Variants in ZNF317 observed in about 807,000 individuals in gnomAD.
The protein encoded by ZNF317 is KRAB-containing zinc finger protein 317.
ZNF317 carries 17 observed loss-of-function variants against 23.4 expected under a neutral mutation model. The ratio of observed to expected loss-of-function variants is 0.73; its 90% CI spans 0.50 to 1.09. ZNF317 has a LOEUF of 1.09. Among genes scored for constraint, ZNF317 ranks in the 50% least tolerant of loss-of-function variants. The probability of loss-of-function intolerance (pLI) is 0.00; values close to 1 mark genes in which losing one functional copy is unlikely to be tolerated. For missense variants in ZNF317, 679 were observed against 796.7 expected, an observed-to-expected ratio of 0.85 and a Z score of 1.78; for synonymous variants, 317 against 314.9, an observed-to-expected ratio of 1.01 and a Z score of -0.07.
At position 9,161,577 on chromosome 19, in the gene ZNF317, G is replaced by A. The variant is rs918929723; in HGVS notation, c.*144G>A. 1 of 1,276,366 alleles carries A rather than the reference G, an allele frequency of 7.8e-7. No individual in the cohort carries two copies. The highest frequency in any genetic ancestry group is 1.5e-5 in the African/African-American group (1 of 67,354). The allele number at this position is 1,276,366 out of a possible 1,614,324, so 79.1% of individuals were successfully genotyped here. ...GAAGTCCAGTTCCTGTAAAAACTGG[G>A]AAGACGAGGCGTTCTCATCCCATAG... On this transcript the variant is annotated 3_prime_UTR_variant, in exon 7 of 7. Coordinates refer to ENST00000247956, the MANE Select transcript of ZNF317 (RefSeq NM_020933.5). This position sits in a 1 kb window ranked among gnomAD's most constrained non-coding sequence, Gnocchi z 4.0.
rs772548644 is a variant in ZNF317, at chr19:9,161,317, T to C, written c.1672T>C (p.Tyr558His). The C allele has an allele frequency of 6.2e-7, 1 of 1,614,046 alleles. No homozygotes were observed. Among genetic ancestry groups the C allele is most frequent in the Non-Finnish European group, 8.5e-7 (1 of 1,179,934 alleles). The change falls in exon 7 of 7, where the codon TAC (tyrosine) becomes CAC (histidine). Residue 558 changes from tyrosine to histidine, a missense_variant. Physicochemically the swap from Tyr to His is moderately conservative, Grantham distance 83. Transcript: ENST00000247956. The surrounding 1 kb of genome is among the most constrained non-coding windows in gnomAD (Gnocchi z 4.0). ...GCGGATCCACACCGGGGAGAAGCCC[T>C]ACGAATGCCTTGTCTGCGGGAAAGC... is the stretch of plus-strand genomic sequence containing the variant. The part of the protein sequence containing the change: ...HRRIHTGEKP[Y>H]ECLVCGKAFS...
chr19:9,154,009 T>G (rs2050760141), intron 1 of ZNF317, among the ~76,000 whole-genome samples: 1 of 152,066 alleles, frequency 6.6e-6, no homozygotes, highest in Non-Finnish European at 1.5e-5. Flanking sequence ...CATAGGAAAT[T>G]GTCTAGCAGG....
chr19:9,156,376 C>A (rs945259897), intron 2 of ZNF317, among the ~76,000 whole-genome samples: 1 of 152,166 alleles, frequency 6.6e-6, no homozygotes, highest in African/African-American at 2.4e-5. Flanking sequence ...TAGGTTGGAA[C>A]TATGTCACTT....
At chr19:9,147,490 G>A (rs565428034) in intron 1 of ZNF317, among the ~76,000 whole-genome samples, 15 of 152,036 alleles carry the variant, frequency 9.9e-5, no homozygotes, top group African/African-American at 2.2e-4. Flanking sequence ...ACAGGCGCCC[G>A]CCACCGCGCC....
At position 9,161,340 on chromosome 19, in the gene ZNF317, A is replaced by C; in HGVS notation, c.1695A>C (p.Lys565Asn). 1 of 1,614,208 alleles carries C rather than the reference A, an allele frequency of 6.2e-7. No homozygotes were observed. Reference sequence around the variant, plus strand: ...CCTACGAATGCCTTGTCTGCGGGAAAGCCTTCAGCGACCACTCATCCCTCA... The same window carrying C: ...CCTACGAATGCCTTGTCTGCGGGAACGCCTTCAGCGACCACTCATCCCTCA... Reference protein sequence around the residue: ...EKPYECLVCGKAFSDHSSLRS... With the variant: ...EKPYECLVCGNAFSDHSSLRS... The change falls in exon 7 of 7, where the codon AAA becomes AAC. Residue 565 changes from lysine (K) to asparagine (N), a missense_variant. Transcript: ENST00000247956. The surrounding 1 kb of genome is among the most constrained non-coding windows in gnomAD (Gnocchi z 4.0).
intron 1 of ZNF317, among the ~76,000 whole-genome samples, chr19:9,141,779 C>T (rs1292695074): frequency 6.6e-6 from 1 of 152,036 alleles, no homozygotes; most frequent in Non-Finnish European, 1.5e-5. Context: ...TCTTTAATGC[C>T]TTTCAATAAA....
chr19:9,147,814 T>C (rs1302667265), intron 1 of ZNF317, among the ~76,000 whole-genome samples: 1 of 152,144 alleles, frequency 6.6e-6, no homozygotes, highest in East Asian at 1.9e-4. Context: ...TCTGATACAG[T>C]TTGGATGTGT....
chr19:9,146,706 A>G (rs765137397), intron 1 of ZNF317, among the ~76,000 whole-genome samples: 7 of 152,152 alleles, frequency 4.6e-5, no homozygotes, highest in Non-Finnish European at 8.8e-5. Context: ...CTGAGATTAC[A>G]GGCATGAGCC....
chr19:9,152,194 C>G (rs1217001124), intron 1 of ZNF317, among the ~76,000 whole-genome samples: 1 of 151,892 alleles, frequency 6.6e-6, no homozygotes, highest in Non-Finnish European at 1.5e-5. Context: ...GCGTGAGCCA[C>G]CGTGCCCAGC....
chr19:9,160,898 T>C lies in ZNF317; in HGVS notation c.1253T>C (p.Val418Ala). The stretch of plus-strand genomic sequence containing the variant: ...AGGATTCACATCGTCAAGAAACCCG[T>C]GGAATGTCGGCAGTGCGGGAAGACC... ...HMRIHIVKKP[V>A]ECRQCGKTFR... Residue 418 changes from valine to alanine, a missense_variant, in exon 7 of 7, where the codon GTG (valine) becomes GCG (alanine). Transcript: ENST00000247956. The surrounding 1 kb of genome is among the most constrained non-coding windows in gnomAD (Gnocchi z 6.8). The C allele has an allele frequency of 6.2e-7, 1 of 1,613,762 alleles. No individual in the cohort carries two copies. Among genetic ancestry groups the C allele is most frequent in the Non-Finnish European group, 8.5e-7 (1 of 1,179,912 alleles).
rs755742142 is a variant in ZNF317 at position 9,160,189 on chromosome 19, A to T, written c.544A>T (p.Thr182Ser). 62 of 1,613,850 alleles carry T rather than the reference A, an allele frequency of 3.8e-5. 1 individual carries two copies. In the East Asian group the frequency reaches 1.3e-3, roughly 35 times the overall value. The change falls in exon 7 of 7, where the codon ACT becomes TCT. Residue 182 changes from threonine to serine, a missense_variant. By Grantham distance (58) the Thr-to-Ser change is moderately conservative. Transcript: ENST00000247956. This position sits in a 1 kb window ranked among gnomAD's most constrained non-coding sequence, Gnocchi z 6.8. The stretch of plus-strand genomic sequence containing the variant: ...AGTCTTTGGCATGGACCCTCATCTC[A>T]CTCAGCCAATGGGAAGGCACGCTGG... The part of the protein sequence containing the change: ...FEVFGMDPHL[T>S]QPMGRHAGKR...
chr19:9,147,448 C>T (rs1252547296), intron 1 of ZNF317, among the ~76,000 whole-genome samples: 1 of 149,164 alleles, frequency 6.7e-6, no homozygotes, highest in Admixed American at 6.8e-5. Context: ...TCACACCATT[C>T]TCCTGCCTCA....
At chr19:9,158,987 T>C (rs1433221069) in intron 6 of ZNF317, 79 bp downstream of exon 6, 6 of 973,632 alleles carry the variant, frequency 6.2e-6, no homozygotes, top group Non-Finnish European at 9.9e-6. Context: ...GAAAAGCAGT[T>C]CAACACCAGG....
chr19:9,160,296 C>A lies in ZNF317; in HGVS notation c.651C>A (p.Asp217Glu). The change falls in exon 7 of 7, where the codon GAC (aspartate) becomes GAA (glutamate). Residue 217 changes from aspartate to glutamate, a missense_variant. Transcript: ENST00000247956. This position sits in a 1 kb window ranked among gnomAD's most constrained non-coding sequence, Gnocchi z 6.8. ...TCACTCAGCACATGAGCATGTACGA[C>A]GGGAGAAAAATGCATGAATGTCATC... The part of the protein sequence containing the change: ...PHLTQHMSMY[D>E]GRKMHECHQC... The A allele has an allele frequency of 2.5e-6, 4 of 1,614,106 alleles. No homozygotes were observed. The highest frequency in any genetic ancestry group is 3.4e-6 in the Non-Finnish European group (4 of 1,180,024).
intron 1 of ZNF317, among the ~76,000 whole-genome samples, chr19:9,146,011 G>T (rs1051633300): frequency 6.6e-6 from 1 of 151,482 alleles, no homozygotes; most frequent in South Asian, 2.1e-4. Context: ...ATTATTGGCT[G>T]TGTATAATCT....
At position 9,157,306 on chromosome 19, in the gene ZNF317, C is replaced by G. The variant is rs199782182; in HGVS notation, c.201C>G (p.Thr67=). The G allele has an allele frequency of 6.2e-7, 1 of 1,614,010 alleles. No individual in the cohort carries two copies. Among genetic ancestry groups the G allele is most frequent in the Non-Finnish European group, 8.5e-7 (1 of 1,179,978 alleles). The change falls in exon 4 of 7, where the codon ACC becomes ACG. Residue 67 remains threonine (T), a synonymous_variant. Coordinates refer to ENST00000247956, the MANE Select transcript of ZNF317 (RefSeq NM_020933.5). ...TCCAAGATGTCGCTGTGGACTTTAC[C>G]GAGAAGGAGTGGCCCTTGCTGGATT... The part of the protein sequence containing the change: ...VTFQDVAVDF[T]EKEWPLLDSS...
At chr19:9,156,806 C>A in intron 3 of ZNF317, 58 bp downstream of exon 3, 1 of 1,580,264 alleles carries the variant, frequency 6.3e-7, no homozygotes, top group Non-Finnish European at 8.6e-7. Flanking sequence ...AAGACCCCAC[C>A]AGTGCATGCT....
At chr19:9,144,611 A>G (rs1040781185) in intron 1 of ZNF317, among the ~76,000 whole-genome samples, 2 of 152,030 alleles carry the variant, frequency 1.3e-5, no homozygotes, top group Non-Finnish European at 2.9e-5. Context: ...CCTGATTTAC[A>G]TGGTTTTCTT....
At chr19:9,156,988 G>C (rs184311015) in intron 3 of ZNF317, 1 of 638,498 alleles carries the variant, frequency 1.6e-6, no homozygotes, top group Non-Finnish European at 2.6e-6. Flanking sequence ...CCCCAGAGAC[G>C]GGGGGAAATA....
Sources: gnomAD v4.1 joint callset for allele counts (sites outside exome capture counted in the v4.1 genomes callset) on GRCh38, gnomAD v4.1.1 for gene constraint, Gnocchi (gnomAD v3.1) non-coding constraint, MANE v1.5 for transcripts, NCBI Gene and HGNC (gene_info 2026-07-23, HGNC 2026-07-21) for gene names.